The following ABCD2 variants were observed in gnomAD, a reference collection of about 807,000 sequenced individuals.
The protein encoded by ABCD2 is ATP-binding cassette sub-family D member 2.
A neutral mutation model predicts 70.9 loss-of-function variants in ABCD2; 36 were observed. The ratio of observed to expected loss-of-function variants is 0.51; its 90% CI spans 0.39 to 0.67. The LOEUF is 0.67. Ranked by LOEUF, ABCD2 falls within the 30% of genes least tolerant of loss-of-function variation. ABCD2 has a pLI of 0.00. For missense variants in ABCD2, 729 were observed against 890.2 expected, an observed-to-expected ratio of 0.82 and a Z score of 2.30; for synonymous variants, 304 against 306.9, an observed-to-expected ratio of 0.99 and a Z score of 0.10.
intron 6 of ABCD2, among the ~76,000 whole-genome samples, chr12:39,594,618 T>C (rs1489848735): frequency 1.3e-5 from 2 of 152,124 alleles, no homozygotes; most frequent in Non-Finnish European, 2.9e-5. Context: ...AACATAAATA[T>C]ACTAGTACTT....
intron 9 of ABCD2, among the ~76,000 whole-genome samples, chr12:39,564,696 T>C (rs1195963495): frequency 6.6e-6 from 1 of 152,084 alleles, no homozygotes; most frequent in Non-Finnish European, 1.5e-5. Flanking sequence ...AGACATGAAG[T>C]CCTTGCCCAT....
At chr12:39,615,527 A>C (rs1190545523) in intron 2 of ABCD2, among the ~76,000 whole-genome samples, 1 of 152,066 alleles carries the variant, frequency 6.6e-6, no homozygotes, top group African/African-American at 2.4e-5. Context: ...AATTCTTTTT[A>C]GTAAATTTTG....
chr12:39,618,764 C>T lies in ABCD2; in HGVS notation c.852G>A (p.Glu284=). 6.2e-7 allele frequency: 1 copy of T among 1,614,212 alleles called. No individual in the cohort carries two copies. Among genetic ancestry groups the T allele is most frequent in the Non-Finnish European group, 8.5e-7 (1 of 1,180,046 alleles). Residue 284 remains glutamate (E), a synonymous_variant, in exon 1 of 10, where the codon GAG becomes GAA. Transcript: ENST00000308666. Reference sequence around the variant, plus strand: ...GCAAATAGCCTTTTCTATGTGCTTCCTCTGCCACCAGTTTGCCAAATTTGG... The same window carrying T: ...GCAAATAGCCTTTTCTATGTGCTTCTTCTGCCACCAGTTTGCCAAATTTGG... ...CSPKFGKLVA[E]EAHRKGYLRY...
chr12:39,565,686 A>G (rs578199684), intron 9 of ABCD2, among the ~76,000 whole-genome samples: 1 of 152,236 alleles, frequency 6.6e-6, no homozygotes, highest in East Asian at 1.9e-4. Flanking sequence ...GTGGTGAGAG[A>G]GGGCATCCCT....
intron 7 of ABCD2, 130 bp from the exon 8 acceptor site, chr12:39,579,749 T>A (rs1941571232): frequency 1.8e-5 from 12 of 650,886 alleles, no homozygotes; most frequent in Non-Finnish European, 3.0e-5. Context: ...ATAGGATATA[T>A]GCTTGGATAA....
At chr12:39,535,794 G>A in the ABCD2 span, among the ~76,000 whole-genome samples, 52,079 of 152,028 alleles carry the variant, frequency 0.34, 11,066 homozygotes, top group African/African-American at 0.6. Flanking sequence ...TAATTGAAAA[G>A]TAGCCTTAAG....
In ABCD2 at chr12:39,573,740, G is replaced by C. The variant is rs1941478967; in HGVS notation, c.1979C>G (p.Ser660Cys). ...CCAAAGAGAAGGTCTGTGTGTTATAGACAGTAAGGAAATTCCAGCCCCTTT... is the reference window on the plus strand; with the variant it reads ...CCAAAGAGAAGGTCTGTGTGTTATACACAGTAAGGAAATTCCAGCCCCTTT... ...AAKGAGISLL[S>C]ITHRPSLWKY... The change falls in exon 9 of 10, where the codon TCT (serine) becomes TGT (cysteine). Residue 660 changes from serine to cysteine, a missense_variant. Physicochemically the swap from Ser to Cys is moderately radical, Grantham distance 112. Around this residue, in one of 3 missense-constraint regions of ABCD2, gnomAD observed 289 missense variants for 328.8 expected, o/e 0.88. Coordinates refer to ENST00000308666, the MANE Select transcript of ABCD2 (RefSeq NM_005164.4). 1 of 1,613,118 alleles carries C rather than the reference G, an allele frequency of 6.2e-7. No individual in the cohort carries two copies. The highest frequency in any genetic ancestry group is 1.3e-5 in the African/African-American group (1 of 74,894).
At chr12:39,573,619 A>G in intron 9 of ABCD2, 97 bp downstream of exon 9, 1 of 1,327,054 alleles carries the variant, frequency 7.5e-7, no homozygotes, top group South Asian at 1.8e-5. Flanking sequence ...AAATAAGTGA[A>G]ATACCCTACC....
rs766779930 is a variant in ABCD2 at position 39,593,448 on chromosome 12, C to T, written c.1646+7123G>A. Among the ~76,000 whole-genome samples the T allele has an allele frequency of 4.6e-5, 7 of 152,010 alleles. No homozygotes were observed. In the East Asian group the frequency reaches 9.6e-4, roughly 21 times the overall value. ...TTTATTATTTGTATTGACGGGGTCCCCCTATGTTGCCAGGGCTAACCTTAA... is the reference window on the plus strand; with the variant it reads ...TTTATTATTTGTATTGACGGGGTCCTCCTATGTTGCCAGGGCTAACCTTAA... On this transcript the variant is annotated intron_variant, in intron 6 of 9. Transcript: ENST00000308666.
chr12:39,569,044 G>T (rs1236909894), intron 9 of ABCD2, among the ~76,000 whole-genome samples: 2 of 152,162 alleles, frequency 1.3e-5, no homozygotes, highest in African/African-American at 4.8e-5. Context: ...CCTACTTGGG[G>T]GTGCATCCCA....
At position 39,552,723 on chromosome 12, in the gene ABCD2, A is replaced by G. The variant is rs2120510622; in HGVS notation, c.*1189T>C. The G allele has an allele frequency of 6.6e-6, 1 of 152,102 alleles. No homozygotes were observed. Among genetic ancestry groups the G allele is most frequent in the South Asian group, 2.1e-4 (1 of 4,828 alleles). The allele number at this position is 152,102 out of a possible 1,614,324, so 9.4% of individuals were successfully genotyped here. ...ACTTAATTTTCATTTCTTGTAAACAATAACCAAATAACAATAAGACTAACA... is the reference window on the plus strand; with the variant it reads ...ACTTAATTTTCATTTCTTGTAAACAGTAACCAAATAACAATAAGACTAACA... On this transcript the variant is annotated 3_prime_UTR_variant, in exon 10 of 10. Coordinates refer to ENST00000308666, the MANE Select transcript of ABCD2 (RefSeq NM_005164.4).
At chr12:39,556,413 T>C (rs1941166290) in intron 9 of ABCD2, among the ~76,000 whole-genome samples, 1 of 152,100 alleles carries the variant, frequency 6.6e-6, no homozygotes, top group Non-Finnish European at 1.5e-5. Context: ...GCTGTTCTCA[T>C]AATAATGAGT....
chr12:39,564,711 A>G (rs1941316246), intron 9 of ABCD2, among the ~76,000 whole-genome samples: 1 of 152,094 alleles, frequency 6.6e-6, no homozygotes, highest in Non-Finnish European at 1.5e-5. Context: ...GCCCATGCCT[A>G]TGTCCTGAAT....
intron 9 of ABCD2, among the ~76,000 whole-genome samples, chr12:39,567,342 T>G (rs972724884): frequency 1.1e-4 from 16 of 152,360 alleles, no homozygotes; most frequent in African/African-American, 3.8e-4. Flanking sequence ...ATATTTAGGA[T>G]AGTTAGCTCT....
chr12:39,585,493 G>C (rs1941652043), intron 7 of ABCD2, among the ~76,000 whole-genome samples: 1 of 152,058 alleles, frequency 6.6e-6, no homozygotes, highest in African/African-American at 2.4e-5. Context: ...CTTCCTATGT[G>C]AATGCCCTTT....
chr12:39,588,532 G>A (rs1473288566), intron 6 of ABCD2, among the ~76,000 whole-genome samples: 1 of 152,172 alleles, frequency 6.6e-6, no homozygotes, highest in Non-Finnish European at 1.5e-5. Context: ...TGGAAAAGAG[G>A]CAGGAAATAA....
intron 2 of ABCD2, among the ~76,000 whole-genome samples, chr12:39,612,041 G>A (rs1178110521): frequency 2.6e-5 from 4 of 152,182 alleles, no homozygotes; most frequent in Admixed American, 2.6e-4. Context: ...CCACAGTGAA[G>A]TACCACTATA....
chr12:39,597,876 A>G (rs1261644083), intron 6 of ABCD2, among the ~76,000 whole-genome samples: 3 of 152,138 alleles, frequency 2.0e-5, no homozygotes, highest in Non-Finnish European at 4.4e-5. Flanking sequence ...TTGTGTGTGT[A>G]TTCTTGAACT....
chr12:39,582,678 T>A (rs567917139), intron 7 of ABCD2, among the ~76,000 whole-genome samples: 1 of 152,340 alleles, frequency 6.6e-6, no homozygotes, highest in East Asian at 1.9e-4. Flanking sequence ...CTGCTTTCCA[T>A]ATATAGTAGG....
Sources: allele counts gnomAD v4.1 joint callset (sites outside exome capture counted in the v4.1 genomes callset), GRCh38; gene constraint gnomAD v4.1.1; regional missense constraint gnomAD v4.1.1; transcripts MANE v1.5; gene names NCBI Gene and HGNC (gene_info 2026-07-23, HGNC 2026-07-21).